The following FAM204A variants were observed in gnomAD, a reference collection of about 807,000 sequenced individuals.
The protein encoded by FAM204A is family with sequence similarity 204 member A, also known as protein FAM204A.
In FAM204A, 16 loss-of-function variants were observed where a neutral mutation model predicts 35.4. That is an observed-to-expected ratio of 0.45 (90% CI 0.31 to 0.69). The LOEUF is 0.69. FAM204A is among the 30% of genes least tolerant of loss of function. FAM204A has a pLI of 0.07. For missense variants in FAM204A, 240 were observed against 265.7 expected (o/e 0.90, Z 0.67); for synonymous variants, 76 against 86.9 (o/e 0.88, Z 0.70).
In FAM204A at chr10:118,308,422, T is replaced by C. The variant is rs557979685; in HGVS notation, c.*2435A>G. On this transcript the variant is annotated 3_prime_UTR_variant, in exon 9 of 9. Transcript: ENST00000369183. ...AGCAGCATGCGTACTCAAGGAATAA[T>C]GTTTCTAGGAGTAAAATACCTAATT... 7.2e-5 allele frequency: 11 copies of C among 152,306 alleles called. 1 individual carries two copies. Among genetic ancestry groups the C allele is most frequent in the African/African-American group, 2.6e-4 (11 of 41,568 alleles). The allele number at this position is 152,306 out of a possible 1,614,324, so 9.4% of individuals were successfully genotyped here.
At chr10:118,328,015 C>T (rs554738726) in intron 6 of FAM204A, among the ~76,000 whole-genome samples, 5 of 152,184 alleles carry the variant, frequency 3.3e-5, no homozygotes, top group African/African-American at 4.8e-5. Context: ...TGGGGGTAGT[C>T]GGGGACAAGA....
At chr10:118,322,801 G>A (rs890361461) in intron 7 of FAM204A, among the ~76,000 whole-genome samples, 2 of 152,112 alleles carry the variant, frequency 1.3e-5, no homozygotes, top group Non-Finnish European at 2.9e-5. Context: ...AAAATATAAA[G>A]GGTGTTGTTG....
rs761735464 is a variant in FAM204A, at chr10:118,335,466, A to G, written c.323-40T>C. The G allele has an allele frequency of 3.1e-6, 5 of 1,596,348 alleles. 1 individual carries two copies. In the South Asian group the frequency reaches 3.5e-5, roughly 11 times the overall value. The stretch of plus-strand genomic sequence containing the variant: ...CAAAGTGTCAATACCTAACTTCAGT[A>G]ATTTCAAAACCATATTTTAAAAAAA... On this transcript the variant is annotated intron_variant, in intron 4 of 8. Coordinates refer to ENST00000369183, the MANE Select transcript of FAM204A (RefSeq NM_022063.3).
At chr10:118,335,970 T>C (rs1846377908) in intron 3 of FAM204A, 1 of 576,910 alleles carries the variant, frequency 1.7e-6, no homozygotes, top group Non-Finnish European at 2.9e-6. Flanking sequence ...TGGGTTTTTT[T>C]TTTTTCCCCC....
In FAM204A at chr10:118,308,915, G is replaced by A. The variant is rs939953922; in HGVS notation, c.*1942C>T. ...AAAAAAAATGAGACTGAAGTCAAAGGGAAATGCCCATATCGGGGCCCCAAG... is the reference window on the plus strand; with the variant it reads ...AAAAAAAATGAGACTGAAGTCAAAGAGAAATGCCCATATCGGGGCCCCAAG... On this transcript the variant is annotated 3_prime_UTR_variant, in exon 9 of 9. Transcript: ENST00000369183. 5.9e-5 allele frequency: 9 copies of A among 151,974 alleles called. No homozygotes were observed. The highest frequency in any genetic ancestry group is 1.3e-4 in the Non-Finnish European group (9 of 68,008). The allele number at this position is 151,974 out of a possible 1,614,324, so 9.4% of individuals were successfully genotyped here.
In FAM204A at chr10:118,304,612, T is replaced by TA. The variant is rs1845842831; in HGVS notation, c.*6244dup. Reference sequence around the variant, plus strand: ...AATGTGCCACGCCGTTCCTTCTACCTAGGATGCACTCGCTTCTACTCGCCT... The same window carrying TA: ...AATGTGCCACGCCGTTCCTTCTACCTAAGGATGCACTCGCTTCTACTCGCCT... On this transcript the variant is annotated 3_prime_UTR_variant, in exon 9 of 9. Transcript: ENST00000369183. 6.6e-6 allele frequency: 1 copy of TA among 152,336 alleles called. No homozygotes were observed. The highest frequency in any genetic ancestry group is 1.5e-5 in the Non-Finnish European group (1 of 68,128). 9.4% of individuals were successfully genotyped at this position (152,336 alleles called of 1,614,324 possible).
At chr10:118,339,188 T>C (rs1052102350) in intron 2 of FAM204A, among the ~76,000 whole-genome samples, 1 of 152,194 alleles carries the variant, frequency 6.6e-6, no homozygotes, top group Non-Finnish European at 1.5e-5. Context: ...GAGCAGTCAC[T>C]GATAAACACG....
intron 6 of FAM204A, among the ~76,000 whole-genome samples, chr10:118,334,153 A>G (rs12764195): frequency 6.6e-6 from 1 of 152,190 alleles, no homozygotes; most frequent in Non-Finnish European, 1.5e-5. Context: ...GTGCATCTCA[A>G]GGTCATTATA....
At chr10:118,316,894 T>C (rs1255530660) in intron 7 of FAM204A, among the ~76,000 whole-genome samples, 3 of 152,076 alleles carry the variant, frequency 2.0e-5, no homozygotes, top group Non-Finnish European at 4.4e-5. Context: ...GTTCTACTGT[T>C]GAAATTACTC....
chr10:118,334,246 C>T (rs541011713), intron 6 of FAM204A, among the ~76,000 whole-genome samples: 1 of 152,258 alleles, frequency 6.6e-6, no homozygotes, highest in African/African-American at 2.4e-5. Flanking sequence ...TCAATCCTTT[C>T]CCTTCCCCAA....
chr10:118,318,350 C>T (rs1038539968), intron 7 of FAM204A, among the ~76,000 whole-genome samples: 3 of 151,950 alleles, frequency 2.0e-5, no homozygotes, highest in Non-Finnish European at 4.4e-5. Context: ...ACAGCAAAAC[C>T]TACATTATAT....
At chr10:118,318,019 T>C (rs955334869) in intron 7 of FAM204A, among the ~76,000 whole-genome samples, 5 of 152,004 alleles carry the variant, frequency 3.3e-5, no homozygotes, top group African/African-American at 4.8e-5. Flanking sequence ...ACAAGCCTAT[T>C]TGGTGAAAGG....
chr10:118,310,963 G>C lies in FAM204A; in HGVS notation c.651-55C>G, dbSNP rs1317039083. On this transcript the variant is annotated intron_variant, in intron 8 of 8. Transcript: ENST00000369183. ...TATTTCTTAAAAAAAAAAATACTTT[G>C]CTGAACATGTTTACTTAGAGACCAA... The C allele has an allele frequency of 2.0e-6, 3 of 1,470,158 alleles. No individual in the cohort carries two copies. In the Admixed American group the frequency reaches 6.6e-5, roughly 32 times the overall value. The allele number at this position is 1,470,158 out of a possible 1,614,324, so 91.1% of individuals were successfully genotyped here.
rs1255563314 is a variant in FAM204A, at chr10:118,300,356, G to T, written c.*10501C>A. The T allele has an allele frequency of 1.3e-5, 2 of 152,174 alleles. No homozygotes were observed. Among genetic ancestry groups the T allele is most frequent in the African/African-American group, 4.8e-5 (2 of 41,442 alleles). 9.4% of individuals were successfully genotyped at this position (152,174 alleles called of 1,614,324 possible). ...GCAGAAATATCTTGAAAGAAAAGAT[G>T]AAAGGACGTATTACTTCTTTTGTTC... On this transcript the variant is annotated 3_prime_UTR_variant, in exon 9 of 9. Coordinates refer to ENST00000369183, the MANE Select transcript of FAM204A (RefSeq NM_022063.3).
At position 118,298,844 on chromosome 10, in the gene FAM204A, C is replaced by G. The variant is rs944193990; in HGVS notation, c.*12013G>C. 1.3e-5 allele frequency: 2 copies of G among 152,156 alleles called. No individual in the cohort carries two copies. Among genetic ancestry groups the G allele is most frequent in the African/African-American group, 4.8e-5 (2 of 41,434 alleles). 9.4% of individuals were successfully genotyped at this position (152,156 alleles called of 1,614,324 possible). A position where few individuals can be genotyped will look rare whatever the true frequency, so the allele number is the denominator to read the frequency against. On this transcript the variant is annotated 3_prime_UTR_variant, in exon 9 of 9. Transcript: ENST00000369183. ...GATTCGGGAACCTCAAATGCGTTTT[C>G]ATTGTTAGGTTGCACCGTTAATTCT...
At chr10:118,314,794 C>T (rs1272726929) in intron 7 of FAM204A, among the ~76,000 whole-genome samples, 1 of 152,124 alleles carries the variant, frequency 6.6e-6, no homozygotes, top group Non-Finnish European at 1.5e-5. Flanking sequence ...GCCAAAGTAT[C>T]AGCATTTTCC....
chr10:118,312,147 T>C (rs1175961706), intron 7 of FAM204A, among the ~76,000 whole-genome samples: 1 of 152,218 alleles, frequency 6.6e-6, no homozygotes, highest in East Asian at 1.9e-4. Context: ...TGGTATCTTC[T>C]ACTTTTAGTG....
chr10:118,311,196 A>G lies in FAM204A; in HGVS notation c.650+11T>C. On this transcript the variant is annotated intron_variant, in intron 8 of 8. Coordinates refer to ENST00000369183, the MANE Select transcript of FAM204A (RefSeq NM_022063.3). ...AGGAGATTTACTACCAAAAATCTTA[A>G]GTAAACTCACCCCCATGCAAGTTTC... 6.2e-7 allele frequency: 1 copy of G among 1,602,020 alleles called. No individual in the cohort carries two copies. The highest frequency in any genetic ancestry group is 2.2e-5 in the East Asian group (1 of 44,826).
intron 2 of FAM204A, among the ~76,000 whole-genome samples, chr10:118,338,420 T>C (rs545525463): frequency 2.1e-4 from 32 of 152,348 alleles, no homozygotes; most frequent in African/African-American, 6.0e-4. Flanking sequence ...CGCCATATAA[T>C]ATACCTTTAG....
Sources: allele counts gnomAD v4.1 joint callset (sites outside exome capture counted in the v4.1 genomes callset), GRCh38; gene constraint gnomAD v4.1.1; transcripts MANE v1.5; gene names NCBI Gene and HGNC (gene_info 2026-07-23, HGNC 2026-07-21).